Variants in CCNB1IP1 observed in about 807,000 individuals in gnomAD.
The protein encoded by CCNB1IP1 is cyclin B1 interacting protein 1.
CCNB1IP1 carries 14 observed loss-of-function variants against 25.6 expected under a neutral mutation model. That is an observed-to-expected ratio of 0.55 (90% CI 0.36 to 0.85). The LOEUF (loss-of-function observed/expected upper bound fraction) is 0.85, where lower values mean the gene tolerates loss of function less well. CCNB1IP1 is among the 40% of genes least tolerant of loss of function. The pLI is 0.01. For synonymous variants in CCNB1IP1, 119 were observed against 116.1 expected (o/e 1.02, Z -0.16); for missense variants, 278 against 342.4 (o/e 0.81, Z 1.48).
chr14:20,315,067 G>C (rs1882636109), intron 5 of CCNB1IP1, among the ~76,000 whole-genome samples: 1 of 114,348 alleles, frequency 8.7e-6, no homozygotes, highest in African/African-American at 3.5e-5. Context: ...CTCCAGCCTG[G>C]ACAACAAAGC....
intron 4 of CCNB1IP1, chr14:20,320,536 A>G (rs1882857346): frequency 6.2e-6 from 2 of 321,304 alleles, no homozygotes; most frequent in African/African-American, 2.2e-5. Flanking sequence ...ACTACTCAGA[A>G]TAACAAAATT....
At chr14:20,332,908 T>G (rs898889255) in intron 1 of CCNB1IP1, 21 of 152,156 alleles carry the variant, frequency 1.4e-4, no homozygotes, top group African/African-American at 4.8e-4. Flanking sequence ...CAGGGAGATA[T>G]AAATCAAAAC....
chr14:20,319,116 AGTAACAGAT>A (rs1227698926), intron 4 of CCNB1IP1: 1 of 152,278 alleles, frequency 6.6e-6, no homozygotes, highest in African/African-American at 2.4e-5. Context: ...ATTATGAATT[AGTAACAGAT>A]GCAATTAGCC....
chr14:20,311,437 T>TG lies in CCNB1IP1; in HGVS notation c.*112dup, dbSNP rs1882474578. 1 of 817,044 alleles carries TG rather than the reference T, an allele frequency of 1.2e-6. No individual in the cohort carries two copies. The highest frequency in any genetic ancestry group is 2.4e-5 in the East Asian group (1 of 40,986). The allele number at this position is 817,044 out of a possible 1,614,324, so 50.6% of individuals were successfully genotyped here. The stretch of plus-strand genomic sequence containing the variant: ...TCTCACTCTGTTGCCCAGGCTGGAG[T>TG]GCAGTGGCATGATCTTAGATCACTA... On this transcript the variant is annotated 3_prime_UTR_variant, in exon 7 of 7. Coordinates refer to ENST00000358932, the MANE Select transcript of CCNB1IP1 (RefSeq NM_021178.5).
intron 2 of CCNB1IP1, among the ~76,000 whole-genome samples, chr14:20,328,968 G>A (rs1883158244): frequency 6.6e-6 from 1 of 152,140 alleles, no homozygotes; most frequent in Admixed American, 6.6e-5. Context: ...TAGCCAAAAG[G>A]TACATTTTAT....
chr14:20,311,780 A>G, intron 6 of CCNB1IP1, 28 bp from the exon 7 acceptor site: 1 of 1,477,292 alleles, frequency 6.8e-7, no homozygotes, highest in South Asian at 1.1e-5. Flanking sequence ...GAAAAACATA[A>G]TTTTATTCAT....
At chr14:20,320,550 T>G (rs1424712984) in intron 4 of CCNB1IP1, among the ~76,000 whole-genome samples, 1 of 152,152 alleles carries the variant, frequency 6.6e-6, no homozygotes, top group African/African-American at 2.4e-5. Flanking sequence ...CAAAATTATA[T>G]TCCAGCTCTT....
chr14:20,327,830 G>C (rs1883122683), intron 2 of CCNB1IP1, among the ~76,000 whole-genome samples: 1 of 152,154 alleles, frequency 6.6e-6, no homozygotes, highest in Non-Finnish European at 1.5e-5. Flanking sequence ...AAAAGAAGTA[G>C]GATTGGTCAA....
At chr14:20,323,699 C>T (rs1408345409) in intron 4 of CCNB1IP1, among the ~76,000 whole-genome samples, 2 of 151,832 alleles carry the variant, frequency 1.3e-5, no homozygotes, top group Non-Finnish European at 2.9e-5. Flanking sequence ...GAGGCCGAGG[C>T]GGGTGGATCA....
chr14:20,324,590 C>T (rs765422430), intron 4 of CCNB1IP1, among the ~76,000 whole-genome samples: 30 of 152,176 alleles, frequency 2.0e-4, no homozygotes, highest in Non-Finnish European at 2.5e-4. Flanking sequence ...AAATAGTTAA[C>T]ATCAAACTGA....
At chr14:20,314,357 C>G (rs1882606924) in intron 5 of CCNB1IP1, 2 of 152,210 alleles carry the variant, frequency 1.3e-5, no homozygotes, top group African/African-American at 2.4e-5. Flanking sequence ...GTCAGGAAGG[C>G]CCAAGAGACA....
At chr14:20,330,517 A>C (rs1384163371) in intron 1 of CCNB1IP1, 1 of 152,272 alleles carries the variant, frequency 6.6e-6, no homozygotes, top group Non-Finnish European at 1.5e-5. Flanking sequence ...AAAAAGTCAC[A>C]CTTCTCACAA....
In CCNB1IP1 at chr14:20,313,837, G is replaced by A. The variant is rs765336696; in HGVS notation, c.298-36C>T. ...AAGAAAAAAGATTTTTAAGGTATTGGGTACAAAGTTATATATTGTAAAATG... is the reference window on the plus strand; with the variant it reads ...AAGAAAAAAGATTTTTAAGGTATTGAGTACAAAGTTATATATTGTAAAATG... On this transcript the variant is annotated intron_variant, in intron 5 of 6. Transcript: ENST00000358932. 4.2e-6 allele frequency: 6 copies of A among 1,433,448 alleles called. No individual in the cohort carries two copies. The Admixed American group carries it at 1.4e-4, about 33-fold the overall frequency. The allele number at this position is 1,433,448 out of a possible 1,614,324, so 88.8% of individuals were successfully genotyped here.
rs1159450735 is a variant in CCNB1IP1, at chr14:20,315,136, CAAAAAAAAAAAAAA to C, written c.297+1077_297+1090del. Among the ~76,000 whole-genome samples the C allele has an allele frequency of 5.4e-3, 49 of 9,072 alleles. 1 individual carries two copies. The highest frequency in any genetic ancestry group is 0.028 in the Admixed American group (14 of 506). The allele number at this position is 9,072 out of a possible 152,430, so 6.0% of individuals were successfully genotyped here. A position where few individuals can be genotyped will look rare whatever the true frequency, so the allele number is the denominator to read the frequency against. Reference sequence around the variant, plus strand: ...ACCAAGAACTTCATATACACCTCACCAAAAAAAAAAAAAAAAAAAAAAAAAAAAGGCAAAAAAGC... The same window carrying C: ...ACCAAGAACTTCATATACACCTCACCAAAAAAAAAAAAAAGGCAAAAAAGC... On this transcript the variant is annotated intron_variant, in intron 5 of 6. Transcript: ENST00000358932.
Position 20,325,542 on chromosome 14 carries a change from A to G in CCNB1IP1, c.-41T>C, listed in dbSNP as rs1173844119. 1 of 152,198 alleles carries G rather than the reference A, an allele frequency of 6.6e-6. No homozygotes were observed. Among genetic ancestry groups the G allele is most frequent in the Non-Finnish European group, 1.5e-5 (1 of 68,036 alleles). 9.4% of individuals were successfully genotyped at this position (152,198 alleles called of 1,614,324 possible). ...TCAATCTCAACGTAAGCCTTACCAT[A>G]AAAGAAAAACGCAGTACTCATCTAC... On this transcript the variant is annotated 5_prime_UTR_variant, in exon 4 of 7. Transcript: ENST00000358932.
At chr14:20,325,689 A>G (rs923791318) in intron 3 of CCNB1IP1, 36 bp from the exon 4 acceptor site, 1 of 152,160 alleles carries the variant, frequency 6.6e-6, no homozygotes, top group Non-Finnish European at 1.5e-5. Flanking sequence ...AATTATTTCA[A>G]GTCCTGATGT....
At chr14:20,317,465 T>A (rs1882745846) in intron 4 of CCNB1IP1, 1 of 152,172 alleles carries the variant, frequency 6.6e-6, no homozygotes, top group African/African-American at 2.4e-5. Context: ...CACACCTTTA[T>A]CCCAATAGCC....
intron 4 of CCNB1IP1, among the ~76,000 whole-genome samples, chr14:20,324,669 A>G (rs1047356128): frequency 6.6e-6 from 1 of 152,190 alleles, no homozygotes; most frequent in Non-Finnish European, 1.5e-5. Context: ...TGAGTCAAAT[A>G]CTATTGCCAT....
Position 20,311,581 on chromosome 14 carries a change from G to A in CCNB1IP1, c.803C>T (p.Ser268Phe). 2 of 1,613,840 alleles carry A rather than the reference G, an allele frequency of 1.2e-6. No homozygotes were observed. The highest frequency in any genetic ancestry group is 2.2e-5 in the East Asian group (1 of 44,872). ...TCTTTTTACTTTGAAGGCCCTGCTA[G>A]AAACTTGCTGCTGCTCTAATTCACG... is the stretch of plus-strand genomic sequence containing the variant. ...PSRELEQQQV[S>F]SRAFKVKRI Residue 268 changes from serine to phenylalanine, a missense_variant, in exon 7 of 7, where the codon TCT (serine) becomes TTT (phenylalanine). By Grantham distance (155) the Ser-to-Phe change is radical. Transcript: ENST00000358932.
Sources: gnomAD v4.1 joint callset for allele counts (sites outside exome capture counted in the v4.1 genomes callset) on GRCh38, gnomAD v4.1.1 for gene constraint, MANE v1.5 for transcripts, NCBI Gene and HGNC (gene_info 2026-07-23, HGNC 2026-07-21) for gene names.